SMC5: variants seen among roughly 807,000 people sequenced by gnomAD.
SMC5 encodes the protein structural maintenance of chromosomes 5, also known as structural maintenance of chromosomes protein 5.
Under a neutral mutation model 148.3 loss-of-function variants are expected in SMC5, and 88 were observed. The ratio of observed to expected loss-of-function variants is 0.59; its 90% confidence interval spans 0.50 to 0.71. The LOEUF is 0.71. Ranked by LOEUF, SMC5 falls within the 30% of genes least tolerant of loss-of-function variation. SMC5 has a pLI of 0.00. For synonymous variants in SMC5, 421 were observed against 432.8 expected (o/e 0.97, Z 0.34); for missense variants, 1,142 against 1,298.9 (o/e 0.88, Z 1.86).
At chr9:70,304,714 A>T (rs1271470699) in intron 10 of SMC5, among the ~76,000 whole-genome samples, 3 of 152,152 alleles carry the variant, frequency 2.0e-5, no homozygotes, top group Non-Finnish European at 2.9e-5. Context: ...AAGTAAAAAT[A>T]GATCAATAAG....
intron 8 of SMC5, among the ~76,000 whole-genome samples, chr9:70,291,338 C>T (rs150301632): frequency 1.2e-3 from 179 of 152,302 alleles, no homozygotes; most frequent in African/African-American, 4.1e-3. Flanking sequence ...GAGATTCAAT[C>T]ATTTTTCTTC....
chr9:70,354,673 A>C lies in SMC5; in HGVS notation c.*2342A>C, dbSNP rs2036867762. 1.3e-5 allele frequency: 2 copies of C among 152,226 alleles called. No individual in the cohort carries two copies. The highest frequency in any genetic ancestry group is 6.5e-5 in the Admixed American group (1 of 15,280). 9.4% of individuals were successfully genotyped at this position (152,226 alleles called of 1,614,324 possible). A position where few individuals can be genotyped will look rare whatever the true frequency, so the allele number is the denominator to read the frequency against. ...TTTGCCTGGAAAGAGTCTCTGTTAA[A>C]AGATTTTCCATATTCAAAGTAAAAG... On this transcript the variant is annotated 3_prime_UTR_variant, in exon 25 of 25. Transcript: ENST00000361138.
In SMC5 at chr9:70,305,176, T is replaced by G. The variant is rs1409815989; in HGVS notation, c.1465-71T>G. ...GTATTACAATCTAATTAAATCCAATTTTAATATAAACATGTTTTAATAATC... is the reference window on the plus strand; with the variant it reads ...GTATTACAATCTAATTAAATCCAATGTTAATATAAACATGTTTTAATAATC... On this transcript the variant is annotated intron_variant, in intron 10 of 24. Coordinates refer to ENST00000361138, the MANE Select transcript of SMC5 (RefSeq NM_015110.4). 4 of 678,730 alleles carry G rather than the reference T, an allele frequency of 5.9e-6. No homozygotes were observed. The East Asian group carries it at 1.1e-4, about 18-fold the overall frequency. 42.0% of individuals were successfully genotyped at this position (678,730 alleles called of 1,614,324 possible). A position where few individuals can be genotyped will look rare whatever the true frequency, so the allele number is the denominator to read the frequency against.
intron 11 of SMC5, among the ~76,000 whole-genome samples, 157 bp downstream of exon 11, chr9:70,305,517 G>A (rs561041685): frequency 6.6e-6 from 1 of 152,150 alleles, no homozygotes; most frequent in Admixed American, 6.5e-5. Context: ...CCTATTTATG[G>A]CATTGTGGGT....
At chr9:70,302,508 T>C (rs1216298323) in intron 10 of SMC5, among the ~76,000 whole-genome samples, 1 of 146,246 alleles carries the variant, frequency 6.8e-6, no homozygotes, top group Non-Finnish European at 1.5e-5. Context: ...AAAAAATATA[T>C]ATATATATAT....
chr9:70,281,471 G>GT (rs1304212213), intron 6 of SMC5, among the ~76,000 whole-genome samples: 1 of 152,148 alleles, frequency 6.6e-6, no homozygotes, highest in East Asian at 1.9e-4. Flanking sequence ...TTTTAAAGAT[G>GT]TTAATGATCA....
In SMC5 at chr9:70,259,170, A is replaced by G. The variant is rs2034012608; in HGVS notation, c.92A>G (p.Lys31Arg). ...PRDPSSEVPSKRKNSAPQLPL... is the reference protein window; with the variant it reads ...PRDPSSEVPSRRKNSAPQLPL... ...GACCCTTCGTCGGAGGTCCCGAGCAAGAGGAAGAATTCGGCCCCGCAGCTG... is the reference window on the plus strand; with the variant it reads ...GACCCTTCGTCGGAGGTCCCGAGCAGGAGGAAGAATTCGGCCCCGCAGCTG... Residue 31 changes from lysine (K) to arginine (R), a missense_variant, in exon 1 of 25, where the codon AAG (lysine) becomes AGG (arginine). Lys to Arg is a conservative substitution (Grantham distance 26). This residue lies in a region of SMC5 where 297 missense variants were observed against 302.6 expected (regional missense o/e 0.98). Coordinates refer to ENST00000361138, the MANE Select transcript of SMC5 (RefSeq NM_015110.4). The G allele has an allele frequency of 4.3e-6, 7 of 1,611,564 alleles. No individual in the cohort carries two copies. The highest frequency in any genetic ancestry group is 5.9e-6 in the Non-Finnish European group (7 of 1,178,944).
chr9:70,284,837 G>A (rs927604658), intron 7 of SMC5, among the ~76,000 whole-genome samples: 4 of 151,986 alleles, frequency 2.6e-5, no homozygotes, highest in African/African-American at 9.7e-5. Context: ...TATTCATGCT[G>A]TTCTTCTTCC....
chr9:70,350,497 G>A (rs1395451011), intron 24 of SMC5, 26 bp downstream of exon 24: 2 of 1,482,798 alleles, frequency 1.3e-6, no homozygotes, highest in East Asian at 2.3e-5. Flanking sequence ...CCTAAAAGTG[G>A]TCATATACTC....
At chr9:70,285,469 T>C (rs1464987280) in intron 7 of SMC5, among the ~76,000 whole-genome samples, 1 of 152,232 alleles carries the variant, frequency 6.6e-6, no homozygotes, top group East Asian at 1.9e-4. Flanking sequence ...TGTTGTTAAC[T>C]TCCAGAATGC....
intron 11 of SMC5, among the ~76,000 whole-genome samples, chr9:70,306,836 T>C (rs2035513554): frequency 6.6e-6 from 1 of 152,228 alleles, no homozygotes; most frequent in South Asian, 2.1e-4. Flanking sequence ...TGTGACTTTT[T>C]GTGTGTATAT....
chr9:70,325,646 A>T (rs964464014), intron 17 of SMC5, among the ~76,000 whole-genome samples: 11 of 152,202 alleles, frequency 7.2e-5, no homozygotes, highest in Non-Finnish European at 1.5e-4. Context: ...AGATCATAAA[A>T]TATATATTCT....
At position 70,350,184 on chromosome 9, in the gene SMC5, C is replaced by T. The variant is rs1312213472; in HGVS notation, c.2960C>T (p.Thr987Ile). Residue 987 changes from threonine (T) to isoleucine (I), a missense_variant, in exon 23 of 25, where the codon ACT becomes ATT. Physicochemically the swap from Thr to Ile is moderately conservative, Grantham distance 89. Transcript: ENST00000361138. ...AGTAGTACTCAACTGCATGAATTAA[C>T]TCCTCATCATCAAAGTGGAGGTGAA... The part of the protein sequence containing the change: ...FRSSTQLHEL[T>I]PHHQSGGERS... 2 of 1,613,234 alleles carry T rather than the reference C, an allele frequency of 1.2e-6. No homozygotes were observed. The highest frequency in any genetic ancestry group is 2.2e-5 in the East Asian group (1 of 44,776).
At position 70,282,484 on chromosome 9, in the gene SMC5, A is replaced by G; in HGVS notation, c.882A>G (p.Glu294=). The change falls in exon 7 of 25, where the codon GAA becomes GAG. Residue 294 remains glutamate (E), a synonymous_variant. Transcript: ENST00000361138. ...AACTAGTTCGTGACCGAGTGAAGGA[A>G]GAGGTCAGAAAACTTAAAGAAGGGC... ...EVKLVRDRVK[E]EVRKLKEGQI... 21 of 1,608,150 alleles carry G rather than the reference A, an allele frequency of 1.3e-5. No homozygotes were observed. The highest frequency in any genetic ancestry group is 1.8e-5 in the Non-Finnish European group (21 of 1,178,194).
chr9:70,347,238 G>C (rs539622395), intron 20 of SMC5, 77 bp downstream of exon 20: 84 of 1,192,092 alleles, frequency 7.0e-5, no homozygotes, highest in African/African-American at 6.2e-4. Context: ...TACACACACA[G>C]AGTTCCCTCC....
intron 17 of SMC5, among the ~76,000 whole-genome samples, chr9:70,328,690 G>A (rs1432988920): frequency 6.6e-6 from 1 of 152,200 alleles, no homozygotes; most frequent in African/African-American, 2.4e-5. Flanking sequence ...CTGGGGTCTG[G>A]AGGACGGTGG....
intron 17 of SMC5, among the ~76,000 whole-genome samples, chr9:70,342,493 C>T (rs1247088128): frequency 6.6e-6 from 1 of 152,066 alleles, no homozygotes; most frequent in African/African-American, 2.4e-5. Flanking sequence ...CCATATCCCC[C>T]ACCCCCAGCT....
chr9:70,266,411 C>G (rs1332894248), intron 2 of SMC5, among the ~76,000 whole-genome samples: 1 of 152,136 alleles, frequency 6.6e-6, no homozygotes, highest in Non-Finnish European at 1.5e-5. Context: ...CAAGGACCAA[C>G]TCAGATTTTT....
At position 70,300,283 on chromosome 9, in the gene SMC5, A is replaced by G. The variant is rs150437356; in HGVS notation, c.1464+83A>G. ...TGTTTTAAGACATTTTAGTCCCAAT[A>G]TTACCCTGGTTTTACATTATCAGAC... On this transcript the variant is annotated intron_variant, in intron 10 of 24. Transcript: ENST00000361138. 3.9e-6 allele frequency: 5 copies of G among 1,275,386 alleles called. No homozygotes were observed. The African/African-American group carries it at 4.6e-5, about 12-fold the overall frequency. The allele number at this position is 1,275,386 out of a possible 1,614,324, so 79.0% of individuals were successfully genotyped here.
Sources: gnomAD v4.1 joint callset for allele counts (sites outside exome capture counted in the v4.1 genomes callset) on GRCh38, gnomAD v4.1.1 for gene constraint, gnomAD v4.1.1 regional missense constraint, MANE v1.5 for transcripts, NCBI Gene and HGNC (gene_info 2026-07-23, HGNC 2026-07-21) for gene names.